Variants in LRP1B observed in about 807,000 individuals in gnomAD.
The protein encoded by LRP1B is LDL receptor related protein 1B.
In LRP1B, 217 loss-of-function variants were observed where a neutral mutation model predicts 556.6. The observed-to-expected ratio is 0.39, with a 90% CI of 0.35 to 0.44. The LOEUF is 0.44. LRP1B is among the 20% of genes least tolerant of loss of function. The pLI, the probability that LRP1B is intolerant of heterozygous loss-of-function variation, is 1.00. For missense variants in LRP1B, 5,053 were observed against 5,620.8 expected (o/e 0.90, Z 3.23); for synonymous variants, 2,047 against 1,865.8 (o/e 1.10, Z -2.50).
intron 7 of LRP1B, among the ~76,000 whole-genome samples, chr2:141,161,592 T>G (rs1680036715): frequency 6.6e-6 from 1 of 152,166 alleles, no homozygotes; most frequent in Admixed American, 6.6e-5. Flanking sequence ...CATTGGCAAC[T>G]TGCGTTTTGT....
chr2:140,354,307 T>C (rs1682112497), intron 75 of LRP1B, among the ~76,000 whole-genome samples: 3 of 152,108 alleles, frequency 2.0e-5, no homozygotes, highest in Admixed American at 1.3e-4. Context: ...TAGAGACACT[T>C]GTAAATCACA....
intron 31 of LRP1B, among the ~76,000 whole-genome samples, chr2:140,828,763 C>A: frequency 2.1e-5 from 1 of 48,312 alleles, no homozygotes; most frequent in Non-Finnish European, 5.5e-5. Context: ...GCACTCCAGC[C>A]TGGGCGACAG....
chr2:141,604,954 C>A (rs1687861553), intron 2 of LRP1B, among the ~76,000 whole-genome samples: 1 of 152,016 alleles, frequency 6.6e-6, no homozygotes, highest in Admixed American at 6.5e-5. Flanking sequence ...GTACACCCAG[C>A]CCAGTTGTGA....
intron 41 of LRP1B, among the ~76,000 whole-genome samples, chr2:140,602,804 C>T (rs1265475330): frequency 6.6e-6 from 1 of 151,666 alleles, no homozygotes; most frequent in African/African-American, 2.4e-5. Context: ...TAATGGCTAT[C>T]ATTTTAGTTG....
chr2:141,653,855 CT>C (rs542750461), intron 2 of LRP1B, among the ~76,000 whole-genome samples: 61 of 152,110 alleles, frequency 4.0e-4, no homozygotes, highest in Non-Finnish European at 7.8e-4. Context: ...ACAGTATTTT[CT>C]TTTTTTTCTT....
intron 1 of LRP1B, among the ~76,000 whole-genome samples, chr2:141,977,556 C>T (rs1231371306): frequency 6.6e-6 from 1 of 151,882 alleles, no homozygotes; most frequent in Non-Finnish European, 1.5e-5. Context: ...AGCAAGACTT[C>T]ATCTCAAAAA....
intron 1 of LRP1B, among the ~76,000 whole-genome samples, chr2:141,816,946 A>C (rs1478143830): frequency 6.6e-6 from 1 of 152,206 alleles, no homozygotes; most frequent in Non-Finnish European, 1.5e-5. Flanking sequence ...ATCTCAGTTA[A>C]AAATAGCCTG....
At chr2:140,780,357 G>A (rs1689655114) in intron 32 of LRP1B, among the ~76,000 whole-genome samples, 1 of 152,098 alleles carries the variant, frequency 6.6e-6, no homozygotes, top group African/African-American at 2.4e-5. Flanking sequence ...AGAATTGAGG[G>A]CCTACTGGGC....
chr2:141,561,667 G>A (rs13397685), intron 2 of LRP1B, among the ~76,000 whole-genome samples: 46,677 of 151,542 alleles, frequency 0.31, 7,464 homozygotes, highest in South Asian at 0.45. Context: ...ATCAGAGATT[G>A]TCAATTTTCT....
chr2:142,061,354 A>G (rs1704901958), intron 1 of LRP1B, among the ~76,000 whole-genome samples: 1 of 152,054 alleles, frequency 6.6e-6, no homozygotes, highest in Non-Finnish European at 1.5e-5. Context: ...AAATGTGTAC[A>G]TTAAATAGGA....
intron 43 of LRP1B, among the ~76,000 whole-genome samples, chr2:140,596,778 G>A (rs1170212368): frequency 6.6e-6 from 1 of 152,098 alleles, no homozygotes; most frequent in East Asian, 1.9e-4. Flanking sequence ...AGGTGTTCCC[G>A]AACAAGTACT....
At chr2:141,180,854 T>C (rs1424152796) in intron 7 of LRP1B, among the ~76,000 whole-genome samples, 2 of 151,980 alleles carry the variant, frequency 1.3e-5, no homozygotes, top group Non-Finnish European at 2.9e-5. Flanking sequence ...ATAATATTTG[T>C]TCACATTTTG....
chr2:141,120,755 G>A (rs1701027367), intron 7 of LRP1B, among the ~76,000 whole-genome samples: 1 of 151,968 alleles, frequency 6.6e-6, no homozygotes, highest in African/African-American at 2.4e-5. Context: ...CCATTCTTCA[G>A]AGAGCTGTTT....
chr2:140,386,568 A>T (rs1263922473), intron 66 of LRP1B, among the ~76,000 whole-genome samples: 2 of 152,240 alleles, frequency 1.3e-5, no homozygotes, highest in African/African-American at 2.4e-5. Flanking sequence ...GAGTTTGAAC[A>T]TTAATTATGT....
chr2:141,536,589 G>C (rs1685077499), intron 2 of LRP1B, among the ~76,000 whole-genome samples: 1 of 151,958 alleles, frequency 6.6e-6, no homozygotes, highest in Admixed American at 6.6e-5. Context: ...TCATGAGAGG[G>C]TCAAGTTTCA....
chr2:141,102,802 C>G (rs1435386746), intron 7 of LRP1B, among the ~76,000 whole-genome samples: 1 of 151,974 alleles, frequency 6.6e-6, no homozygotes, highest in African/African-American at 2.4e-5. Flanking sequence ...TAAATGGTTA[C>G]AGTTACCCAG....
intron 7 of LRP1B, among the ~76,000 whole-genome samples, chr2:141,140,808 A>G (rs1386141833): frequency 6.6e-6 from 1 of 152,198 alleles, no homozygotes; most frequent in African/African-American, 2.4e-5. Context: ...AAAATGCGAA[A>G]AAACCGCTAA....
intron 83 of LRP1B, among the ~76,000 whole-genome samples, chr2:140,299,701 G>T (rs1683740710): frequency 6.6e-6 from 1 of 151,998 alleles, no homozygotes; most frequent in Non-Finnish European, 1.5e-5. Context: ...GTTAATAATT[G>T]TTGGAACGTG....
At chr2:140,356,238 C>A in intron 75 of LRP1B, 104 bp downstream of exon 75, 2 of 1,165,746 alleles carry the variant, frequency 1.7e-6, no homozygotes, top group Non-Finnish European at 1.3e-6. Context: ...AGATACACAC[C>A]ATTTTGATGA....
Sources: allele counts gnomAD v4.1 joint callset (sites outside exome capture counted in the v4.1 genomes callset), GRCh38; gene constraint gnomAD v4.1.1; transcripts MANE v1.5; gene names NCBI Gene and HGNC (gene_info 2026-07-23, HGNC 2026-07-21).